The following STK4 variants were observed in gnomAD, a reference collection of about 807,000 sequenced individuals.
STK4 encodes the protein serine/threonine-protein kinase 4.
In STK4, 30 loss-of-function variants were observed where a neutral mutation model predicts 64.9. The observed-to-expected ratio is 0.46, with a 90% confidence interval of 0.35 to 0.63. The LOEUF is 0.63. Ranked by LOEUF, STK4 falls within the 20% of genes least tolerant of loss-of-function variation. The probability of loss-of-function intolerance (pLI) is 0.01; values close to 1 mark genes in which losing one functional copy is unlikely to be tolerated. For synonymous variants in STK4, 177 were observed against 199.0 expected (o/e 0.89, Z 0.93); for missense variants, 466 against 598.5 (o/e 0.78, Z 2.31).
intron 5 of STK4, among the ~76,000 whole-genome samples, chr20:44,991,060 T>C (rs2067624042): frequency 6.6e-6 from 1 of 152,232 alleles, no homozygotes. Flanking sequence ...TTTTTTATTC[T>C]TGTAGATTTA....
intron 4 of STK4, 42 bp from the exon 5 acceptor site, chr20:44,987,090 G>C: frequency 6.6e-7 from 1 of 1,506,518 alleles, no homozygotes; most frequent in Non-Finnish European, 9.0e-7. Context: ...CTAATGCGCT[G>C]ATGTAAACTG....
chr20:45,043,870 T>G (rs1244617998), intron 10 of STK4, among the ~76,000 whole-genome samples: 1 of 152,176 alleles, frequency 6.6e-6, no homozygotes, highest in African/African-American at 2.4e-5. Context: ...TTCCCCTCCT[T>G]TCTTGAAACA....
chr20:45,004,404 A>AT (rs2067896879), intron 9 of STK4: 1 of 151,370 alleles, frequency 6.6e-6, no homozygotes, highest in South Asian at 2.1e-4. Context: ...GCCACAACCA[A>AT]TTTTTTCTTT....
chr20:45,048,269 T>G (rs2068726034), intron 10 of STK4, among the ~76,000 whole-genome samples: 1 of 152,126 alleles, frequency 6.6e-6, no homozygotes, highest in African/African-American at 2.4e-5. Context: ...TACTTCTGAG[T>G]TATTGAGAAG....
chr20:44,992,465 T>C (rs1218919355), intron 5 of STK4, among the ~76,000 whole-genome samples: 1 of 151,966 alleles, frequency 6.6e-6, no homozygotes, highest in Non-Finnish European at 1.5e-5. Context: ...CTCCCTATTT[T>C]ACCCAGGCTG....
intron 9 of STK4, among the ~76,000 whole-genome samples, chr20:45,015,554 A>T (rs962776742): frequency 6.6e-6 from 1 of 152,218 alleles, no homozygotes; most frequent in African/African-American, 2.4e-5. Flanking sequence ...TTCAGACAGC[A>T]TTAGTCCAGT....
chr20:45,074,576 T>C (rs2145490492), intron 10 of STK4, among the ~76,000 whole-genome samples: 1 of 152,024 alleles, frequency 6.6e-6, no homozygotes, highest in South Asian at 2.1e-4. Context: ...TCCTCCATGG[T>C]GTCGTATCCT....
At chr20:45,059,722 C>T (rs1333119003) in intron 10 of STK4, among the ~76,000 whole-genome samples, 1 of 152,162 alleles carries the variant, frequency 6.6e-6, no homozygotes. Flanking sequence ...ATATAATATA[C>T]TCTTAAAATA....
intron 9 of STK4, among the ~76,000 whole-genome samples, chr20:45,020,783 A>G (rs2068232998): frequency 6.6e-6 from 1 of 151,292 alleles, no homozygotes; most frequent in Non-Finnish European, 1.5e-5. Context: ...AGGCTCAATC[A>G]GGTTTATTTA....
intron 9 of STK4, among the ~76,000 whole-genome samples, chr20:45,012,247 G>T (rs2145348698): frequency 6.6e-6 from 1 of 152,162 alleles, no homozygotes; most frequent in South Asian, 2.1e-4. Flanking sequence ...TTTTGGCCAG[G>T]ATGGTCTCGA....
At chr20:44,987,653 A>G (rs114425209) in intron 5 of STK4, among the ~76,000 whole-genome samples, 6 of 152,230 alleles carry the variant, frequency 3.9e-5, no homozygotes, top group African/African-American at 1.2e-4. Context: ...ATCTCATTCA[A>G]CTTCCAGGTA....
chr20:44,988,035 T>C (rs1228866501), intron 5 of STK4, among the ~76,000 whole-genome samples: 1 of 152,008 alleles, frequency 6.6e-6, no homozygotes, highest in Non-Finnish European at 1.5e-5. Context: ...TCAGGTATTG[T>C]AACAGCACAG....
Position 45,036,422 on chromosome 20 carries a change from G to A in STK4, c.1305+11292G>A, listed in dbSNP as rs568298677. Among the ~76,000 whole-genome samples, 4 of 152,252 alleles carry A rather than the reference G, an allele frequency of 2.6e-5. No homozygotes were observed. In the South Asian group the frequency reaches 6.2e-4, roughly 24 times the overall value. On this transcript the variant is annotated intron_variant, in intron 10 of 10. Coordinates refer to ENST00000372806, the MANE Select transcript of STK4 (RefSeq NM_006282.5). ...GGTACCCACTCCTAGTCACTTAGGA[G>A]CCAATTTGGTTATCAGATCACCTTT... is the stretch of plus-strand genomic sequence containing the variant.
intron 1 of STK4, among the ~76,000 whole-genome samples, chr20:44,970,086 G>A (rs571904909): frequency 6.6e-6 from 1 of 152,100 alleles, no homozygotes; most frequent in African/African-American, 2.4e-5. Flanking sequence ...AAACAAAAAA[G>A]CACTTAGATT....
At chr20:44,966,655 C>A in intron 1 of STK4, 52 bp downstream of exon 1, 1 of 1,260,012 alleles carries the variant, frequency 7.9e-7, no homozygotes, top group Non-Finnish European at 1.0e-6. Context: ...GAAGAAAAGG[C>A]GGGAACTGGT....
At chr20:45,072,001 C>G (rs1980111411) in intron 10 of STK4, among the ~76,000 whole-genome samples, 1 of 152,124 alleles carries the variant, frequency 6.6e-6, no homozygotes, top group South Asian at 2.1e-4. Flanking sequence ...TGGGCTCAAG[C>G]AATCCTCCCA....
intron 10 of STK4, among the ~76,000 whole-genome samples, chr20:45,031,718 A>C (rs868296497): frequency 6.6e-6 from 1 of 152,090 alleles, no homozygotes; most frequent in Non-Finnish European, 1.5e-5. Context: ...CCTGGCCAAC[A>C]TGGTGAAACC....
intron 9 of STK4, among the ~76,000 whole-genome samples, chr20:45,024,197 A>G (rs574099974): frequency 2.0e-5 from 3 of 151,870 alleles, no homozygotes; most frequent in Admixed American, 1.3e-4. Flanking sequence ...ACCGCGCCTG[A>G]CCCAGTACTA....
chr20:44,978,640 T>C (rs1282104170), intron 3 of STK4, 69 bp downstream of exon 3: 1 of 1,535,620 alleles, frequency 6.5e-7, no homozygotes, highest in Non-Finnish European at 8.8e-7. Flanking sequence ...TAGAGTTTGA[T>C]ACCTAGAGAC....
Sources: gnomAD v4.1 joint callset for allele counts (sites outside exome capture counted in the v4.1 genomes callset) on GRCh38, gnomAD v4.1.1 for gene constraint, MANE v1.5 for transcripts, NCBI Gene and HGNC (gene_info 2026-07-23, HGNC 2026-07-21) for gene names.